The following RNF17 variants were observed in gnomAD, a reference collection of about 807,000 sequenced individuals.
RNF17 encodes ring finger protein 17.
RNF17 carries 31 observed loss-of-function variants against 200.5 expected under a neutral mutation model. The observed-to-expected ratio is 0.15, with a 90% CI of 0.12 to 0.21. The LOEUF is 0.21. RNF17 is among the 10% of genes least tolerant of loss of function. The pLI is 1.00. For missense variants in RNF17, 1,628 were observed against 1,905.1 expected, an observed-to-expected ratio of 0.85 and a Z score of 2.71; for synonymous variants, 606 against 637.8, an observed-to-expected ratio of 0.95 and a Z score of 0.75.
intron 18 of RNF17, among the ~76,000 whole-genome samples, chr13:24,835,239 C>T (rs185901533): frequency 6.6e-6 from 1 of 151,786 alleles, no homozygotes; most frequent in African/African-American, 2.4e-5. Flanking sequence ...TTCCCTACCC[C>T]CCCTGGTAGC....
intron 1 of RNF17, among the ~76,000 whole-genome samples, chr13:24,765,055 G>A (rs1226576953): frequency 1.3e-5 from 2 of 152,174 alleles, no homozygotes; most frequent in South Asian, 4.2e-4. Context: ...TCGCTCTGTA[G>A]CCCAGGCTGG....
Position 24,862,768 on chromosome 13 carries a change from AGAG to A in RNF17, c.3951_3953del (p.Arg1318del). ...GAAGTTCTTCAACAACTGCTTTCAA[AGAG>A]ACAGGTGGACATTCACATTATGGTA... is the stretch of plus-strand genomic sequence containing the variant. On this transcript the variant is annotated inframe_deletion, in exon 28 of 36. Coordinates refer to ENST00000255324, the MANE Select transcript of RNF17 (RefSeq NM_031277.3). 1 of 1,604,634 alleles carries A rather than the reference AGAG, an allele frequency of 6.2e-7. No homozygotes were observed. The highest frequency in any genetic ancestry group is 1.3e-5 in the African/African-American group (1 of 74,916).
intron 15 of RNF17, among the ~76,000 whole-genome samples, chr13:24,815,433 GT>G (rs1566172125): frequency 2.0e-4 from 3 of 14,904 alleles, no homozygotes; most frequent in African/African-American, 5.3e-4. Flanking sequence ...AACGGGGTGT[GT>G]GTGTGTGTGT....
chr13:24,793,631 T>C (rs933223211), intron 10 of RNF17, among the ~76,000 whole-genome samples: 1 of 152,236 alleles, frequency 6.6e-6, no homozygotes, highest in Non-Finnish European at 1.5e-5. Context: ...ATATAAGCCT[T>C]GTATAAAAGA....
At chr13:24,884,171 A>C (rs1953941725), downstream of RNF17, 1 of 1,614,064 alleles carries the variant, frequency 6.2e-7, no homozygotes, top group African/African-American at 1.3e-5. Flanking sequence ...CTATTTGTCC[A>C]CTTGAGAAAT....
intron 16 of RNF17, among the ~76,000 whole-genome samples, chr13:24,827,584 C>G (rs959353559): frequency 2.7e-5 from 4 of 150,476 alleles, no homozygotes; most frequent in Non-Finnish European, 5.9e-5. Context: ...CGCCTGTAGT[C>G]CCAGCTACTT....
chr13:24,883,614 T>C (rs1953928835), downstream of RNF17, among the ~76,000 whole-genome samples: 1 of 152,178 alleles, frequency 6.6e-6, no homozygotes, highest in Non-Finnish European at 1.5e-5. Context: ...TTTTTTCAAC[T>C]TGTGTTCTTC....
chr13:24,835,704 A>G (rs1437722275), intron 18 of RNF17, among the ~76,000 whole-genome samples: 2 of 152,220 alleles, frequency 1.3e-5, no homozygotes, highest in Non-Finnish European at 2.9e-5. Context: ...CCTCTGACAG[A>G]GCCTATCCAA....
intron 15 of RNF17, among the ~76,000 whole-genome samples, chr13:24,808,124 T>C (rs1342382944): frequency 6.6e-6 from 1 of 151,572 alleles, no homozygotes; most frequent in African/African-American, 2.4e-5. Flanking sequence ...GACTTGGCAA[T>C]GCAGGCTCTT....
At chr13:24,863,133 C>T (rs548960717) in intron 28 of RNF17, among the ~76,000 whole-genome samples, 252 of 152,288 alleles carry the variant, frequency 1.7e-3, no homozygotes, top group African/African-American at 5.6e-3. Flanking sequence ...AGCACTGTCT[C>T]GGGTCCAGGT....
rs267603788 is a variant in RNF17 at position 24,781,870 on chromosome 13, G to A, written c.537G>A (p.Thr179=). 2.5e-6 allele frequency: 4 copies of A among 1,610,766 alleles called. No individual in the cohort carries two copies. Among genetic ancestry groups the A allele is most frequent in the Admixed American group, 1.7e-5 (1 of 59,482 alleles). Residue 179 remains threonine (T), a synonymous_variant, in exon 6 of 36, where the codon ACG becomes ACA. Transcript: ENST00000255324. ...GKALEHMQKQ[T]IEERERVIEV... is the part of the protein sequence containing the mutation. Reference sequence around the variant, plus strand: ...CACTTGAACACATGCAGAAGCAAACGATAGAGGAAAGAGAAAGAGTTATAG... The same window carrying A: ...CACTTGAACACATGCAGAAGCAAACAATAGAGGAAAGAGAAAGAGTTATAG...
chr13:24,798,182 A>G (rs928451204), intron 11 of RNF17, among the ~76,000 whole-genome samples: 30 of 152,152 alleles, frequency 2.0e-4, no homozygotes, highest in African/African-American at 7.0e-4. Flanking sequence ...GGTCTTTATA[A>G]GTTTGATGAT....
At chr13:24,864,125 C>T (rs779716718) in intron 28 of RNF17, among the ~76,000 whole-genome samples, 5 of 152,254 alleles carry the variant, frequency 3.3e-5, no homozygotes, top group South Asian at 2.1e-4. Context: ...GGGAAGACGT[C>T]GCTGCAAAGG....
chr13:24,789,795 A>C, intron 9 of RNF17, 23 bp downstream of exon 9: 4 of 1,279,106 alleles, frequency 3.1e-6, no homozygotes, highest in Non-Finnish European at 4.6e-6. Flanking sequence ...AAGCATGGTA[A>C]CATGCCATTA....
intron 25 of RNF17, among the ~76,000 whole-genome samples, chr13:24,857,290 A>G (rs1475855530): frequency 6.6e-6 from 1 of 152,094 alleles, no homozygotes; most frequent in African/African-American, 2.4e-5. Context: ...TTGAGAATAT[A>G]AAAATCCTGG....
intron 6 of RNF17, 106 bp from the exon 7 acceptor site, chr13:24,787,882 G>A (rs543037506): frequency 2.5e-6 from 2 of 809,990 alleles, no homozygotes; most frequent in African/African-American, 3.6e-5. Flanking sequence ...ACCATATTAT[G>A]TAAAATTCAT....
intron 15 of RNF17, among the ~76,000 whole-genome samples, chr13:24,811,376 C>T (rs2137823345): frequency 6.6e-6 from 1 of 152,134 alleles, no homozygotes; most frequent in South Asian, 2.1e-4. Context: ...TCCCTTCTCG[C>T]TTCATTTCAT....
chr13:24,834,721 G>A (rs1342494808), intron 18 of RNF17, among the ~76,000 whole-genome samples: 1 of 152,202 alleles, frequency 6.6e-6, no homozygotes, highest in African/African-American at 2.4e-5. Context: ...CCTGCCTGGT[G>A]CCACAGGGAT....
chr13:24,774,275 C>T (rs1710799021), intron 2 of RNF17, among the ~76,000 whole-genome samples: 1 of 151,964 alleles, frequency 6.6e-6, no homozygotes, highest in Non-Finnish European at 1.5e-5. Flanking sequence ...AATCTTGGCT[C>T]ACTGCAACCT....
Sources: allele counts gnomAD v4.1 joint callset (sites outside exome capture counted in the v4.1 genomes callset), GRCh38; gene constraint gnomAD v4.1.1; transcripts MANE v1.5; gene names NCBI Gene and HGNC (gene_info 2026-07-23, HGNC 2026-07-21).